Variants in NELL1 observed in about 807,000 individuals in gnomAD.
The protein encoded by NELL1 is neural EGFL like 1, also known as protein kinase C-binding protein NELL1.
NELL1 carries 76 observed loss-of-function variants against 107.4 expected under a neutral mutation model. The observed-to-expected ratio is 0.71, with a 90% CI of 0.59 to 0.86. NELL1 has a LOEUF of 0.86. Ranked by LOEUF, NELL1 falls within the 40% of genes least tolerant of loss-of-function variation. NELL1 has a pLI of 0.00. For missense variants in NELL1, 1,024 were observed against 1,005.5 expected (o/e 1.02, Z -0.25); for synonymous variants, 353 against 341.2 (o/e 1.03, Z -0.38).
intron 15 of NELL1, among the ~76,000 whole-genome samples, chr11:21,522,727 A>G (rs1232109143): frequency 2.0e-5 from 3 of 151,642 alleles, no homozygotes; most frequent in Non-Finnish European, 4.4e-5. Flanking sequence ...AAATTTTCAA[A>G]TCTATATATT....
At chr11:20,899,161 C>A (rs1033137515) in intron 5 of NELL1, among the ~76,000 whole-genome samples, 7 of 152,050 alleles carry the variant, frequency 4.6e-5, no homozygotes, top group Admixed American at 2.6e-4. Context: ...TATATATACA[C>A]ACACACATAC....
intron 12 of NELL1, among the ~76,000 whole-genome samples, chr11:21,093,456 G>A (rs1261591372): frequency 2.6e-5 from 4 of 152,096 alleles, no homozygotes; most frequent in African/African-American, 9.7e-5. Context: ...CTTGTCAACT[G>A]AACCATACAC....
intron 13 of NELL1, among the ~76,000 whole-genome samples, chr11:21,124,258 G>A (rs994764134): frequency 2.0e-5 from 3 of 151,922 alleles, no homozygotes; most frequent in Non-Finnish European, 2.9e-5. Context: ...TTTTCCCCCC[G>A]AAGTCTCCTA....
intron 12 of NELL1, among the ~76,000 whole-genome samples, chr11:21,050,615 G>A (rs1378444089): frequency 6.6e-6 from 1 of 152,170 alleles, no homozygotes; most frequent in African/African-American, 2.4e-5. Flanking sequence ...TTCAGGGTCA[G>A]TAAGAACTAC....
At chr11:21,211,587 A>T (rs983542283) in intron 13 of NELL1, among the ~76,000 whole-genome samples, 6 of 152,184 alleles carry the variant, frequency 3.9e-5, no homozygotes. Flanking sequence ...CAGGTGGGCA[A>T]TGGGGAATGT....
At chr11:20,910,319 G>T (rs1474378199) in intron 5 of NELL1, among the ~76,000 whole-genome samples, 1 of 152,184 alleles carries the variant, frequency 6.6e-6, no homozygotes, top group Non-Finnish European at 1.5e-5. Flanking sequence ...ATCAAAGCAA[G>T]TCACAAGACT....
intron 14 of NELL1, among the ~76,000 whole-genome samples, chr11:21,289,789 T>C (rs1352281522): frequency 2.0e-5 from 3 of 152,162 alleles, no homozygotes; most frequent in Non-Finnish European, 4.4e-5. Flanking sequence ...CAACCTGGAA[T>C]GCTTGAGCTT....
At chr11:21,516,271 A>G (rs527590085) in intron 15 of NELL1, among the ~76,000 whole-genome samples, 3 of 152,284 alleles carry the variant, frequency 2.0e-5, no homozygotes, top group African/African-American at 7.2e-5. Context: ...ATAGTATCTG[A>G]GTACTTAATA....
At chr11:21,139,608 T>C (rs1486898193) in intron 13 of NELL1, among the ~76,000 whole-genome samples, 2 of 152,218 alleles carry the variant, frequency 1.3e-5, no homozygotes, top group African/African-American at 4.8e-5. Flanking sequence ...GTTTGTTGCT[T>C]TTCTTCAATC....
chr11:21,258,531 A>G, intron 14 of NELL1, among the ~76,000 whole-genome samples: 1 of 151,978 alleles, frequency 6.6e-6, no homozygotes, highest in East Asian at 1.9e-4. Flanking sequence ...CTGTTGTACT[A>G]GTTTGAAGAA....
intron 17 of NELL1, among the ~76,000 whole-genome samples, chr11:21,564,909 G>A (rs187258619): frequency 3.4e-4 from 51 of 151,982 alleles, no homozygotes; most frequent in Admixed American, 1.2e-3. Context: ...TCATGCCAGC[G>A]ACACTCTCAA....
intron 15 of NELL1, among the ~76,000 whole-genome samples, chr11:21,499,639 C>G (rs1032334869): frequency 2.6e-5 from 4 of 152,164 alleles, no homozygotes; most frequent in South Asian, 2.1e-4. Flanking sequence ...GAGGAAGGCT[C>G]TCTGTATTGG....
chr11:21,563,531 C>A (rs1179976990), intron 17 of NELL1, among the ~76,000 whole-genome samples: 4 of 151,984 alleles, frequency 2.6e-5, no homozygotes, highest in Non-Finnish European at 5.9e-5. Flanking sequence ...ATTTAAAAAA[C>A]AAAGATAATG....
intron 14 of NELL1, among the ~76,000 whole-genome samples, chr11:21,282,937 G>A (rs1836582356): frequency 6.6e-6 from 1 of 152,016 alleles, no homozygotes. Context: ...ATGACAAATT[G>A]TGTATGTTCT....
chr11:21,107,482 T>C (rs955482476), intron 12 of NELL1, among the ~76,000 whole-genome samples: 1 of 152,188 alleles, frequency 6.6e-6, no homozygotes, highest in Non-Finnish European at 1.5e-5. Flanking sequence ...TACCAGTCCA[T>C]GAAGAACTTG....
At chr11:21,522,362 C>T (rs1045382441) in intron 15 of NELL1, among the ~76,000 whole-genome samples, 6 of 152,086 alleles carry the variant, frequency 3.9e-5, no homozygotes, top group Non-Finnish European at 8.8e-5. Flanking sequence ...GTTAGATATA[C>T]ACAATGGAAT....
chr11:20,806,185 T>C (rs974573608), intron 3 of NELL1, among the ~76,000 whole-genome samples: 1 of 151,838 alleles, frequency 6.6e-6, no homozygotes, highest in African/African-American at 2.4e-5. Context: ...AGGACAGTTC[T>C]GGTGCTTATG....
At position 20,676,502 on chromosome 11, in the gene NELL1, C is replaced by T. The variant is rs1334112502; in HGVS notation, c.56-1430C>T. ...TCAACTGGAAGGGGAAAACTTAAATCTTCAGTTCAGGGGACAAGGGGAAGT... is the reference window on the plus strand; with the variant it reads ...TCAACTGGAAGGGGAAAACTTAAATTTTCAGTTCAGGGGACAAGGGGAAGT... On this transcript the variant is annotated intron_variant, in intron 1 of 19. Transcript: ENST00000357134. Among the ~76,000 whole-genome samples the T allele has an allele frequency of 2.0e-5, 3 of 151,938 alleles. No homozygotes were observed. In the East Asian group the frequency reaches 5.8e-4, roughly 29 times the overall value.
intron 3 of NELL1, among the ~76,000 whole-genome samples, chr11:20,804,942 AC>A (rs2134006383): frequency 6.6e-6 from 1 of 152,304 alleles, no homozygotes; most frequent in South Asian, 2.1e-4. Flanking sequence ...TATTTGCTTT[AC>A]ACATCTGGGT....
Sources: allele counts gnomAD v4.1 joint callset (sites outside exome capture counted in the v4.1 genomes callset), GRCh38; gene constraint gnomAD v4.1.1; transcripts MANE v1.5; gene names NCBI Gene and HGNC (gene_info 2026-07-23, HGNC 2026-07-21).